Variants in DENND5B observed in about 807,000 individuals in gnomAD.
The protein encoded by DENND5B is DENN domain containing 5B, also known as DENN domain-containing protein 5B.
In DENND5B, 34 loss-of-function variants were observed where a neutral mutation model predicts 140.6. That is an observed-to-expected ratio of 0.24 (90% CI 0.18 to 0.32). DENND5B has a LOEUF of 0.32. Ranked by LOEUF, DENND5B falls within the 10% of genes least tolerant of loss-of-function variation. The probability of loss-of-function intolerance (pLI) is 1.00; values close to 1 mark genes in which losing one functional copy is unlikely to be tolerated. For synonymous variants in DENND5B, 551 were observed against 562.1 expected (o/e 0.98, Z 0.28); for missense variants, 1,142 against 1,560.2 (o/e 0.73, Z 4.52).
chr12:31,504,424 G>A (rs1219393380), intron 1 of DENND5B, among the ~76,000 whole-genome samples: 4 of 152,126 alleles, frequency 2.6e-5, no homozygotes, highest in Admixed American at 2.0e-4. Flanking sequence ...GTTGCTTCAC[G>A]CTTCCTCTCA....
intron 17 of DENND5B, chr12:31,396,341 A>G (rs570983680): frequency 7.1e-6 from 1 of 140,906 alleles, no homozygotes; most frequent in Admixed American, 7.6e-5. Context: ...CCTGGCCAGC[A>G]TTTGTTGTTG....
chr12:31,503,883 G>A (rs1351710568), intron 1 of DENND5B, among the ~76,000 whole-genome samples: 5 of 152,000 alleles, frequency 3.3e-5, no homozygotes, highest in Admixed American at 6.6e-5. Context: ...CTCTCTTCCT[G>A]TCCTGACAGG....
intron 1 of DENND5B, among the ~76,000 whole-genome samples, chr12:31,522,532 C>T (rs989702807): frequency 1.3e-5 from 2 of 152,180 alleles, no homozygotes; most frequent in Admixed American, 6.5e-5. Context: ...CAACCTCTGC[C>T]TCCTGGGCTC....
At chr12:31,439,394 T>G (rs1943923501) in intron 7 of DENND5B, among the ~76,000 whole-genome samples, 2 of 152,160 alleles carry the variant, frequency 1.3e-5, no homozygotes. Context: ...AAAATTAAAC[T>G]CCTCCCTCCT....
At chr12:31,402,790 TAACCTTTCAGTCTAGA>T (rs1941874812) in intron 14 of DENND5B, 147 bp from the exon 15 acceptor site, 1 of 1,000,210 alleles carries the variant, frequency 1.0e-6, no homozygotes, top group African/African-American at 1.6e-5. Context: ...GTTGAGATCA[TAACCTTTCAGTCTAGA>T]AAGATGAGAT....
chr12:31,493,913 T>C (rs923469345), intron 2 of DENND5B, among the ~76,000 whole-genome samples: 28 of 152,176 alleles, frequency 1.8e-4, no homozygotes, highest in Admixed American at 1.8e-3. Flanking sequence ...ATCATTTCTG[T>C]ATCTTTTTTA....
chr12:31,455,128 A>C (rs74915158), intron 4 of DENND5B, among the ~76,000 whole-genome samples: 1,938 of 152,060 alleles, frequency 0.013, 38 homozygotes, highest in African/African-American at 0.043. Flanking sequence ...CCAATTCAGT[A>C]TCTTTAAAAT....
chr12:31,405,246 C>T (rs187823550), intron 14 of DENND5B, among the ~76,000 whole-genome samples: 16 of 150,676 alleles, frequency 1.1e-4, no homozygotes, highest in African/African-American at 3.4e-4. Flanking sequence ...GACACGGTCT[C>T]GCTCTGTCAC....
intron 5 of DENND5B, among the ~76,000 whole-genome samples, chr12:31,448,616 CTT>C (rs1305722864): frequency 6.6e-6 from 1 of 152,316 alleles, no homozygotes; most frequent in African/African-American, 2.4e-5. Flanking sequence ...TTTCTAGACT[CTT>C]TAACTCTGTG....
chr12:31,444,608 A>C (rs1274111640), intron 6 of DENND5B, among the ~76,000 whole-genome samples: 1 of 152,160 alleles, frequency 6.6e-6, no homozygotes. Context: ...AAACTCTCTG[A>C]GAGGCTGAAA....
At chr12:31,495,777 TA>T in intron 2 of DENND5B, 32 bp downstream of exon 2, 1 of 1,472,840 alleles carries the variant, frequency 6.8e-7, no homozygotes, top group Non-Finnish European at 9.2e-7. Flanking sequence ...AAAACAAGGC[TA>T]AAGAGTAAAT....
chr12:31,392,576 A>C, intron 18 of DENND5B, 38 bp downstream of exon 18: 1 of 1,537,870 alleles, frequency 6.5e-7, no homozygotes, highest in Non-Finnish European at 8.8e-7. Context: ...AGCATCTTTA[A>C]AAGTCCCACT....
intron 1 of DENND5B, among the ~76,000 whole-genome samples, chr12:31,575,872 A>G (rs1949995618): frequency 6.6e-6 from 1 of 152,156 alleles, no homozygotes; most frequent in South Asian, 2.1e-4. Flanking sequence ...AGGCTGAGGC[A>G]TGAGAATTAC....
chr12:31,467,907 C>G (rs1945352468), intron 3 of DENND5B, among the ~76,000 whole-genome samples: 1 of 151,536 alleles, frequency 6.6e-6, no homozygotes, highest in African/African-American at 2.4e-5. Flanking sequence ...ACATCAAAAA[C>G]AGAGAGAGAG....
intron 1 of DENND5B, among the ~76,000 whole-genome samples, chr12:31,521,492 G>T (rs1037753267): frequency 6.6e-6 from 1 of 151,620 alleles, no homozygotes; most frequent in Non-Finnish European, 1.5e-5. Context: ...AACTGTACAG[G>T]GTTAAGTAAA....
chr12:31,551,805 T>C (rs1949072449), intron 1 of DENND5B, among the ~76,000 whole-genome samples: 1 of 152,244 alleles, frequency 6.6e-6, no homozygotes, highest in Non-Finnish European at 1.5e-5. Flanking sequence ...GATTCCTAGG[T>C]ATTTTATTCT....
At chr12:31,499,267 A>G (rs1337249953) in intron 1 of DENND5B, among the ~76,000 whole-genome samples, 1 of 152,220 alleles carries the variant, frequency 6.6e-6, no homozygotes, top group Non-Finnish European at 1.5e-5. Context: ...AACAAGGACT[A>G]TAAATTTGTA....
At chr12:31,412,403 G>A (rs1174923927) in intron 13 of DENND5B, among the ~76,000 whole-genome samples, 1 of 152,192 alleles carries the variant, frequency 6.6e-6, no homozygotes, top group Non-Finnish European at 1.5e-5. Flanking sequence ...CATGGCTGTC[G>A]CAGGGGCTGG....
chr12:31,523,329 T>C (rs753970060), intron 1 of DENND5B, among the ~76,000 whole-genome samples: 10 of 151,976 alleles, frequency 6.6e-5, no homozygotes, highest in Non-Finnish European at 1.2e-4. Context: ...TTCCAAAGTG[T>C]TGGGATTACA....
Sources: allele counts gnomAD v4.1 joint callset (sites outside exome capture counted in the v4.1 genomes callset), GRCh38; gene constraint gnomAD v4.1.1; transcripts MANE v1.5; gene names NCBI Gene and HGNC (gene_info 2026-07-23, HGNC 2026-07-21).